Variants in PXDN observed in about 807,000 individuals in gnomAD.
The protein encoded by PXDN is peroxidasin, also known as peroxidasin homolog.
Under a neutral mutation model 140.3 loss-of-function variants are expected in PXDN, and 77 were observed. That is an observed-to-expected ratio of 0.55 (90% CI 0.46 to 0.66). PXDN has a LOEUF of 0.66. PXDN is among the 30% of genes least tolerant of loss of function. PXDN has a pLI of 0.00. For missense variants in PXDN, 1,838 were observed against 2,039.5 expected, an observed-to-expected ratio of 0.90 and a Z score of 1.90; for synonymous variants, 911 against 857.4, an observed-to-expected ratio of 1.06 and a Z score of -1.09.
intron 6 of PXDN, among the ~76,000 whole-genome samples, chr2:1,681,515 A>G (rs1341855955): frequency 6.6e-6 from 1 of 151,392 alleles, no homozygotes; most frequent in Non-Finnish European, 1.5e-5. Context: ...AGAGGTGCTC[A>G]CCAGGGCGGC....
chr2:1,679,868 G>A (rs1261061551), intron 7 of PXDN, among the ~76,000 whole-genome samples: 1 of 147,424 alleles, frequency 6.8e-6, no homozygotes, highest in Non-Finnish European at 1.5e-5. Context: ...TGTGTGGTTT[G>A]TGTCTGCATG....
intron 4 of PXDN, among the ~76,000 whole-genome samples, chr2:1,686,714 A>G (rs907505597): frequency 3.6e-4 from 55 of 152,138 alleles, no homozygotes; most frequent in African/African-American, 1.3e-3. Flanking sequence ...CGCTCACTTG[A>G]ATCAACACAC....
chr2:1,686,854 G>A (rs1054371735), intron 4 of PXDN, among the ~76,000 whole-genome samples: 27 of 152,166 alleles, frequency 1.8e-4, no homozygotes, highest in Admixed American at 5.9e-4. Context: ...CCGTGACCAC[G>A]GATCAGCAGC....
At chr2:1,697,705 C>T (rs945280089) in intron 1 of PXDN, among the ~76,000 whole-genome samples, 1 of 152,214 alleles carries the variant, frequency 6.6e-6, no homozygotes, top group African/African-American at 2.4e-5. Flanking sequence ...TGCTCCCACC[C>T]CGTCCTCCTG....
intron 6 of PXDN, among the ~76,000 whole-genome samples, chr2:1,682,748 T>C (rs1683944355): frequency 6.6e-6 from 1 of 152,208 alleles, no homozygotes; most frequent in African/African-American, 2.4e-5. Flanking sequence ...AAGACCAGCC[T>C]GGCCAACATG....
Position 1,662,168 on chromosome 2 carries a change from G to A in PXDN, c.1584C>T (p.Ala528=), listed in dbSNP as rs773441356. The change falls in exon 13 of 23, where the codon GCC becomes GCT. Residue 528 remains alanine (A), a synonymous_variant. Coordinates refer to ENST00000252804, the MANE Select transcript of PXDN (RefSeq NM_012293.3). The part of the protein sequence containing the change: ...TVQPRVTPVF[A]SIPSDTTVEV... ...CCACTGTTGTGTCGCTGGGAATGCT[G>A]GCAAACACTGGGGTGACTGGAAGGC... The A allele has an allele frequency of 4.4e-6, 7 of 1,588,356 alleles. No individual in the cohort carries two copies. Among genetic ancestry groups the A allele is most frequent in the East Asian group, 4.6e-5 (2 of 43,850 alleles).
chr2:1,733,048 T>C (rs1269974878), intron 1 of PXDN, among the ~76,000 whole-genome samples: 1 of 151,864 alleles, frequency 6.6e-6, no homozygotes, highest in Non-Finnish European at 1.5e-5. Context: ...ATGAAACACA[T>C]AGAGAAAAAG....
Position 1,680,364 on chromosome 2 carries a change from T to C in PXDN, c.561-2A>G. The stretch of plus-strand genomic sequence containing the variant: ...TGAAGTGTGTTTGAGTCCAGTCGCC[T>C]GTGGGAAGGAAGATGCAGCCGGTGA... On this transcript the variant is annotated splice_acceptor_variant, in intron 6 of 22. Coordinates refer to ENST00000252804, the MANE Select transcript of PXDN (RefSeq NM_012293.3). LOFTEE classifies it high-confidence loss of function. 1.2e-6 allele frequency: 2 copies of C among 1,613,930 alleles called. No homozygotes were observed. Among genetic ancestry groups the C allele is most frequent in the South Asian group, 1.1e-5 (1 of 91,080 alleles).
Position 1,744,288 on chromosome 2 carries a change from G to T in PXDN, c.168C>A (p.Ala56=). ...AGGTCTGCGGCGCCACGGCGGGCAC[G>T]GCCTCCAGCAGCAGATGCATGCAGC... ...TVRCMHLLLE[A]VPAVAPQTSI... The change falls in exon 1 of 23, where the codon GCC becomes GCA. Residue 56 remains alanine (A), a synonymous_variant. Transcript: ENST00000252804. 1 of 1,520,516 alleles carries T rather than the reference G, an allele frequency of 6.6e-7. No individual in the cohort carries two copies. The allele number at this position is 1,520,516 out of a possible 1,614,324, so 94.2% of individuals were successfully genotyped here.
At chr2:1,744,767 C>A (rs1685654019), upstream of PXDN, 1 of 245,378 alleles carries the variant, frequency 4.1e-6, no homozygotes. Flanking sequence ...GGGCTCGGGA[C>A]CCTGGGGCCT....
At chr2:1,723,425 GATAA>G (rs1685098982) in intron 1 of PXDN, among the ~76,000 whole-genome samples, 1 of 151,930 alleles carries the variant, frequency 6.6e-6, no homozygotes, top group Non-Finnish European at 1.5e-5. Context: ...TGGATGACTG[GATAA>G]ATAGATGGAT....
At chr2:1,658,074 CT>C (rs1558494476) in intron 14 of PXDN, among the ~76,000 whole-genome samples, 1,191 of 79,126 alleles carry the variant, frequency 0.015, 254 homozygotes, top group South Asian at 0.023. Flanking sequence ...CTCTCTCTCT[CT>C]CTCTCTCTCT....
chr2:1,658,033 T>G (rs187704397), intron 14 of PXDN, among the ~76,000 whole-genome samples: 645 of 4,780 alleles, frequency 0.13, 6 homozygotes, highest in African/African-American at 0.26. Flanking sequence ...GTGGGCTCTC[T>G]CTCTCTCTCT....
In PXDN at chr2:1,660,930, G is replaced by T. The variant is rs1683289822; in HGVS notation, c.1788C>A (p.Ala596=). 1.2e-6 allele frequency: 2 copies of T among 1,613,916 alleles called. No homozygotes were observed. Among genetic ancestry groups the T allele is most frequent in the African/African-American group, 1.3e-5 (1 of 75,038 alleles). ...PADAGRYECV[A]RNTIGSASVS... ...CCGAGGCCGACCCAATGGTGTTCCG[G>T]GCCACACACTCATAGCGACCTGCGT... The change falls in exon 14 of 23, where the codon GCC becomes GCA. Residue 596 remains alanine (A), a synonymous_variant. Transcript: ENST00000252804. This position sits in a 1 kb window ranked among gnomAD's most constrained non-coding sequence, Gnocchi z 4.6.
Position 1,651,888 on chromosome 2 carries a change from T to C in PXDN, c.2104+1740A>G, listed in dbSNP as rs1224870758. ...TGATCTTTGAGGGCAGAGGTTTTTA[T>C]TTCTTCCGTTTGTGACTGTAGGCCC... On this transcript the variant is annotated intron_variant, in intron 16 of 22. Transcript: ENST00000252804. The surrounding 1 kb of genome is among the most constrained non-coding windows in gnomAD (Gnocchi z 4.4). 6.6e-6 allele frequency among the ~76,000 whole-genome samples: 1 copy of C among 152,218 alleles called. No homozygotes were observed. The highest frequency in any genetic ancestry group is 1.5e-5 in the Non-Finnish European group (1 of 68,048).
Position 1,676,726 on chromosome 2 carries a change from G to A in PXDN, c.848+201C>T, listed in dbSNP as rs79767027. ...CTGCCCAGGAGAGAGTGGGGAAGGG[G>A]CCCCAGCCTGGCAGAAACGTCGTCA... On this transcript the variant is annotated intron_variant, in intron 8 of 22. Transcript: ENST00000252804. The A allele has an allele frequency of 0.052, 32,986 of 638,746 alleles. 1,142 individuals are homozygous for A. Among genetic ancestry groups the A allele is most frequent in the Non-Finnish European group, 0.072 (25,858 of 360,838 alleles). The allele number at this position is 638,746 out of a possible 1,614,324, so 39.6% of individuals were successfully genotyped here. A position where few individuals can be genotyped will look rare whatever the true frequency, so the allele number is the denominator to read the frequency against.
intron 1 of PXDN, among the ~76,000 whole-genome samples, chr2:1,737,072 C>T (rs1685438142): frequency 2.6e-5 from 4 of 152,270 alleles, no homozygotes; most frequent in Admixed American, 2.0e-4. Flanking sequence ...CCTGGTGCTC[C>T]GGGCTGCTCA....
intron 4 of PXDN, among the ~76,000 whole-genome samples, chr2:1,686,793 G>A (rs530952014): frequency 1.3e-5 from 2 of 152,288 alleles, no homozygotes; most frequent in East Asian, 1.9e-4. Context: ...CCCCTGCACC[G>A]CTTGGCCTCA....
intron 1 of PXDN, among the ~76,000 whole-genome samples, chr2:1,737,143 G>A (rs555664962): frequency 6.6e-6 from 1 of 152,294 alleles, no homozygotes; most frequent in East Asian, 1.9e-4. Flanking sequence ...GGCAGATGAC[G>A]CAGGAGGCAG....
Sources: allele counts gnomAD v4.1 joint callset (sites outside exome capture counted in the v4.1 genomes callset), GRCh38; gene constraint gnomAD v4.1.1; non-coding constraint Gnocchi (gnomAD v3.1); transcripts MANE v1.5; gene names NCBI Gene and HGNC (gene_info 2026-07-23, HGNC 2026-07-21).